Variants in GMCL1 observed in about 807,000 individuals in gnomAD.
GMCL1 encodes germ cell-less 1, spermatogenesis associated, also known as germ cell-less protein-like 1.
In GMCL1, 54 loss-of-function variants were observed where a neutral mutation model predicts 75.5. That is an observed-to-expected ratio of 0.71 (90% CI 0.57 to 0.90). The LOEUF (loss-of-function observed/expected upper bound fraction) is 0.90. Ranked by LOEUF, GMCL1 falls within the 40% of genes least tolerant of loss-of-function variation. GMCL1 has a pLI of 0.00. For synonymous variants in GMCL1, 210 were observed against 209.6 expected, an observed-to-expected ratio of 1.00 and a Z score of -0.02; for missense variants, 537 against 622.7, an observed-to-expected ratio of 0.86 and a Z score of 1.47.
intron 1 of GMCL1, among the ~76,000 whole-genome samples, chr2:69,830,857 T>C (rs778369173): frequency 3.3e-5 from 5 of 151,748 alleles, no homozygotes; most frequent in Non-Finnish European, 4.4e-5. Context: ...ACACAAACAA[T>C]TTGGTTTTTC....
At chr2:69,868,293 T>A (rs1229311323) in intron 11 of GMCL1, among the ~76,000 whole-genome samples, 1 of 152,152 alleles carries the variant, frequency 6.6e-6, no homozygotes, top group Non-Finnish European at 1.5e-5. Flanking sequence ...AGAAACTGTA[T>A]GTTATTTACT....
intron 6 of GMCL1, among the ~76,000 whole-genome samples, chr2:69,846,419 G>A (rs1421717108): frequency 6.6e-6 from 1 of 152,208 alleles, no homozygotes. Context: ...AACACCTAGA[G>A]ATGATTTAAA....
At position 69,837,537 on chromosome 2, in the gene GMCL1, CT is replaced by C; in HGVS notation, c.261-6del. 1 of 1,509,258 alleles carries C rather than the reference CT, an allele frequency of 6.6e-7. No individual in the cohort carries two copies. The highest frequency in any genetic ancestry group is 1.3e-5 in the South Asian group (1 of 79,172). The allele number at this position is 1,509,258 out of a possible 1,614,324, so 93.5% of individuals were successfully genotyped here. On this transcript the variant is annotated splice_polypyrimidine_tract_variant and intron_variant, in intron 1 of 13. Coordinates refer to ENST00000282570, the MANE Select transcript of GMCL1 (RefSeq NM_178439.5). ...ATATAAATATGTGACTTTTTCATTT[CT>C]TTTAACAGGAAAAAATTAAAGAGTA...
At chr2:69,864,194 A>G (rs373233924) in intron 10 of GMCL1, among the ~76,000 whole-genome samples, 3 of 151,926 alleles carry the variant, frequency 2.0e-5, no homozygotes, top group African/African-American at 4.8e-5. Context: ...TTATTTATTT[A>G]TTGTATTTGT....
At chr2:69,843,120 G>A in intron 4 of GMCL1, 29 bp from the exon 5 acceptor site, 5 of 1,245,606 alleles carry the variant, frequency 4.0e-6, no homozygotes, top group Non-Finnish European at 4.6e-6. Flanking sequence ...CGTGAAATGG[G>A]CCTTTCCAGT....
intron 5 of GMCL1, 67 bp from the exon 6 acceptor site, chr2:69,844,064 A>C (rs1675062645): frequency 4.2e-6 from 3 of 711,200 alleles, no homozygotes; most frequent in Non-Finnish European, 6.6e-6. Context: ...TATTTTAACT[A>C]TAAGTCCTAC....
intron 13 of GMCL1, among the ~76,000 whole-genome samples, chr2:69,872,745 G>C (rs1379654904): frequency 1.3e-5 from 2 of 152,194 alleles, no homozygotes; most frequent in African/African-American, 4.8e-5. Context: ...TAATGAGAAA[G>C]TCCAAATCTG....
intron 4 of GMCL1, among the ~76,000 whole-genome samples, chr2:69,842,041 T>C (rs1172632086): frequency 2.0e-5 from 3 of 152,344 alleles, no homozygotes; most frequent in Admixed American, 1.3e-4. Context: ...GACGAAGTTA[T>C]GTTTTAGAAA....
intron 9 of GMCL1, among the ~76,000 whole-genome samples, chr2:69,859,175 G>GATACATCTAACA (rs1366852485): frequency 6.6e-6 from 1 of 150,906 alleles, no homozygotes; most frequent in Non-Finnish European, 1.5e-5. Flanking sequence ...AAATTTATGG[G>GATACATCTAACA]ATACATCTAA....
At chr2:69,874,641 A>G (rs1286063284) in intron 13 of GMCL1, among the ~76,000 whole-genome samples, 9 of 150,856 alleles carry the variant, frequency 6.0e-5, no homozygotes, top group Non-Finnish European at 1.2e-4. Flanking sequence ...GACAGCTTAT[A>G]TTGTTCCTGT....
chr2:69,858,521 C>G (rs1234716578), intron 9 of GMCL1, among the ~76,000 whole-genome samples: 1 of 152,162 alleles, frequency 6.6e-6, no homozygotes, highest in Non-Finnish European at 1.5e-5. Flanking sequence ...GAGATGATTG[C>G]ATACAAACAT....
In GMCL1 at chr2:69,854,862, A is replaced by G; in HGVS notation, c.974A>G (p.Lys325Arg). ...GCCTTTCTTGAAACTGAACAAGGAA[A>G]ACCATTTGTGTCAGTATTCAGACAT... Reference protein sequence around the residue: ...GMAFLETEQGKPFVSVFRHLR... With the variant: ...GMAFLETEQGRPFVSVFRHLR... Residue 325 changes from lysine (K) to arginine (R), a missense_variant, in exon 9 of 14, where the codon AAA (lysine) becomes AGA (arginine). Physicochemically the swap from Lys to Arg is conservative, Grantham distance 26. This residue lies in a region of GMCL1 where 345 missense variants were observed against 410.5 expected (regional missense o/e 0.84). Coordinates refer to ENST00000282570, the MANE Select transcript of GMCL1 (RefSeq NM_178439.5). 6.2e-7 allele frequency: 1 copy of G among 1,611,170 alleles called. No individual in the cohort carries two copies. Among genetic ancestry groups the G allele is most frequent in the South Asian group, 1.1e-5 (1 of 90,658 alleles).
chr2:69,835,886 T>C (rs1674806108), intron 1 of GMCL1, among the ~76,000 whole-genome samples: 1 of 152,148 alleles, frequency 6.6e-6, no homozygotes, highest in African/African-American at 2.4e-5. Flanking sequence ...GGTGAATGGA[T>C]TGGGAGTGAA....
intron 11 of GMCL1, among the ~76,000 whole-genome samples, chr2:69,869,018 C>T (rs1258399815): frequency 6.6e-6 from 1 of 151,218 alleles, no homozygotes; most frequent in Non-Finnish European, 1.5e-5. Flanking sequence ...TTTGGGAGGC[C>T]GAGGCGGGCG....
At chr2:69,844,824 T>G (rs1675089301) in intron 6 of GMCL1, 2 of 372,286 alleles carry the variant, frequency 5.4e-6, no homozygotes, top group Admixed American at 2.6e-5. Context: ...ACCATGGTTC[T>G]TCACCGTCAC....
intron 11 of GMCL1, among the ~76,000 whole-genome samples, chr2:69,865,591 T>G (rs566896459): frequency 6.6e-6 from 1 of 151,458 alleles, no homozygotes; most frequent in East Asian, 1.9e-4. Flanking sequence ...GAGGTTGCAG[T>G]AAGCCGAGAT....
At chr2:69,842,335 G>A (rs1383544404) in intron 4 of GMCL1, among the ~76,000 whole-genome samples, 2 of 152,128 alleles carry the variant, frequency 1.3e-5, no homozygotes, top group African/African-American at 2.4e-5. Context: ...TTACTTTTAT[G>A]TGGTATTTTT....
At chr2:69,840,529 C>G (rs1403555242) in intron 3 of GMCL1, among the ~76,000 whole-genome samples, 4 of 152,038 alleles carry the variant, frequency 2.6e-5, no homozygotes, top group African/African-American at 9.7e-5. Flanking sequence ...GTGGCATGGA[C>G]AGGACTCAGG....
At chr2:69,847,068 C>T (rs181270189) in intron 6 of GMCL1, among the ~76,000 whole-genome samples, 5 of 150,646 alleles carry the variant, frequency 3.3e-5, no homozygotes, top group Admixed American at 2.7e-4. Context: ...AAACATCTGG[C>T]CTCAAATGAT....
Sources: gnomAD v4.1 joint callset for allele counts (sites outside exome capture counted in the v4.1 genomes callset) on GRCh38, gnomAD v4.1.1 for gene constraint, gnomAD v4.1.1 regional missense constraint, MANE v1.5 for transcripts, NCBI Gene and HGNC (gene_info 2026-07-23, HGNC 2026-07-21) for gene names.